The following ASIC2 variants were observed in gnomAD, a reference collection of about 807,000 sequenced individuals.
ASIC2 encodes the protein acid sensing ion channel subunit 2.
ASIC2 carries 25 observed loss-of-function variants against 57.3 expected under a neutral mutation model. The observed-to-expected ratio is 0.44, with a 90% CI of 0.32 to 0.61. ASIC2 has a LOEUF of 0.61. ASIC2 is among the 20% of genes least tolerant of loss of function. The pLI is 0.06. For missense variants in ASIC2, 641 were observed against 738.1 expected, an observed-to-expected ratio of 0.87 and a Z score of 1.52; for synonymous variants, 319 against 307.5, an observed-to-expected ratio of 1.04 and a Z score of -0.39.
chr17:33,823,413 G>A (rs897928667), intron 1 of ASIC2, among the ~76,000 whole-genome samples: 7 of 149,424 alleles, frequency 4.7e-5, no homozygotes, highest in Non-Finnish European at 1.0e-4. Context: ...TGTGTATCTC[G>A]AGTCGAGAGT....
chr17:33,919,347 C>A (rs999983100), intron 1 of ASIC2, among the ~76,000 whole-genome samples: 11 of 152,110 alleles, frequency 7.2e-5, no homozygotes, highest in Non-Finnish European at 1.5e-4. Context: ...GAAAAGGGAA[C>A]CCAGAAATAA....
intron 1 of ASIC2, among the ~76,000 whole-genome samples, chr17:33,811,351 G>A (rs571970829): frequency 6.6e-6 from 1 of 152,296 alleles, no homozygotes; most frequent in South Asian, 2.1e-4. Flanking sequence ...TTCCCTTCTT[G>A]CTCAGTGATC....
chr17:33,887,559 C>A (rs1290961823), intron 1 of ASIC2, among the ~76,000 whole-genome samples: 1 of 152,146 alleles, frequency 6.6e-6, no homozygotes, highest in Admixed American at 6.5e-5. Flanking sequence ...GGCAGAAAAG[C>A]AATACTGGGT....
At chr17:33,260,850 T>C (rs1909254022) in intron 1 of ASIC2, among the ~76,000 whole-genome samples, 1 of 152,138 alleles carries the variant, frequency 6.6e-6, no homozygotes, top group Non-Finnish European at 1.5e-5. Flanking sequence ...TGCATGTAAA[T>C]GAGCTTGGGC....
At chr17:33,276,220 A>T (rs1904696834) in intron 1 of ASIC2, among the ~76,000 whole-genome samples, 1 of 132,814 alleles carries the variant, frequency 7.5e-6, no homozygotes, top group African/African-American at 2.7e-5. Flanking sequence ...CAATCACTAA[A>T]TAATAATAAA....
In ASIC2 at chr17:33,042,035, T is replaced by C. The variant is rs180862707; in HGVS notation, c.988-13643A>G. Among the ~76,000 whole-genome samples, 738 of 152,344 alleles carry C rather than the reference T, an allele frequency of 4.8e-3. 5 individuals are homozygous for C. The highest frequency in any genetic ancestry group is 0.02 in the Middle Eastern group (6 of 294). On this transcript the variant is annotated intron_variant, in intron 3 of 9. Transcript: ENST00000225823. ...AGTTGGAGGGCAAATCAGAGCCTGCTTTTTGAGCCATAATGTTCAGTTTGA... is the reference window on the plus strand; with the variant it reads ...AGTTGGAGGGCAAATCAGAGCCTGCCTTTTGAGCCATAATGTTCAGTTTGA...
chr17:33,263,206 G>A (rs1909346099), intron 1 of ASIC2, among the ~76,000 whole-genome samples: 1 of 152,144 alleles, frequency 6.6e-6, no homozygotes, highest in South Asian at 2.1e-4. Flanking sequence ...GACCTCTACA[G>A]TGGCAGATGC....
chr17:33,227,713 A>G (rs1907941205), intron 1 of ASIC2, among the ~76,000 whole-genome samples: 1 of 152,188 alleles, frequency 6.6e-6, no homozygotes, highest in East Asian at 1.9e-4. Flanking sequence ...TAGAAGCCAC[A>G]TAAAAACCCA....
intron 1 of ASIC2, among the ~76,000 whole-genome samples, chr17:33,511,675 G>A (rs546789395): frequency 3.2e-4 from 49 of 152,244 alleles, no homozygotes; most frequent in African/African-American, 1.1e-3. Context: ...GAGAACTTGG[G>A]GTCCCCTTAT....
At chr17:33,414,357 C>A (rs779316787) in intron 1 of ASIC2, among the ~76,000 whole-genome samples, 1 of 151,916 alleles carries the variant, frequency 6.6e-6, no homozygotes, top group African/African-American at 2.4e-5. Context: ...TGTGGTGGAA[C>A]GAGGAAGGGG....
At chr17:33,336,133 G>C (rs972278258) in intron 1 of ASIC2, among the ~76,000 whole-genome samples, 1 of 151,780 alleles carries the variant, frequency 6.6e-6, no homozygotes, top group Admixed American at 6.6e-5. Flanking sequence ...GTTCTGCTTG[G>C]GACTTTGGAT....
At chr17:33,230,960 A>G (rs1418375877) in intron 1 of ASIC2, among the ~76,000 whole-genome samples, 1 of 152,246 alleles carries the variant, frequency 6.6e-6, no homozygotes, top group Non-Finnish European at 1.5e-5. Flanking sequence ...CTTTGCAGGA[A>G]TATATCTCTT....
At chr17:33,778,959 C>G (rs1911366332) in intron 1 of ASIC2, among the ~76,000 whole-genome samples, 1 of 152,180 alleles carries the variant, frequency 6.6e-6, no homozygotes, top group African/African-American at 2.4e-5. Context: ...TCATCCCCCT[C>G]CTGGCATCTT....
intron 1 of ASIC2, among the ~76,000 whole-genome samples, chr17:33,563,389 G>C (rs1157791719): frequency 6.6e-6 from 1 of 152,146 alleles, no homozygotes; most frequent in African/African-American, 2.4e-5. Flanking sequence ...GATAAACCGG[G>C]AATTAAATCC....
chr17:33,564,990 A>G (rs1916189767), intron 1 of ASIC2, among the ~76,000 whole-genome samples: 1 of 152,146 alleles, frequency 6.6e-6, no homozygotes, highest in Admixed American at 6.5e-5. Context: ...AACAATGCTA[A>G]TGACTGGTTT....
chr17:33,815,630 A>T (rs1441734073), intron 1 of ASIC2, among the ~76,000 whole-genome samples: 1 of 152,174 alleles, frequency 6.6e-6, no homozygotes, highest in Admixed American at 6.5e-5. Flanking sequence ...TCACCTGAGG[A>T]TATCAATGTC....
intron 1 of ASIC2, among the ~76,000 whole-genome samples, chr17:33,269,430 C>G (rs531048369): frequency 6.6e-6 from 1 of 152,292 alleles, no homozygotes; most frequent in East Asian, 1.9e-4. Context: ...CATCAATAGT[C>G]CTTTATGCAA....
intron 1 of ASIC2, among the ~76,000 whole-genome samples, chr17:33,510,273 A>T (rs1914391325): frequency 6.6e-6 from 1 of 152,178 alleles, no homozygotes; most frequent in South Asian, 2.1e-4. Flanking sequence ...CATCTTTCTA[A>T]TTATTACCCA....
intron 1 of ASIC2, among the ~76,000 whole-genome samples, chr17:33,158,674 A>G (rs1188375989): frequency 6.6e-6 from 1 of 152,226 alleles, no homozygotes; most frequent in Non-Finnish European, 1.5e-5. Flanking sequence ...TCAAAACCCG[A>G]TATTACTACT....
Sources: gnomAD v4.1 joint callset for allele counts (sites outside exome capture counted in the v4.1 genomes callset) on GRCh38, gnomAD v4.1.1 for gene constraint, MANE v1.5 for transcripts, NCBI Gene and HGNC (gene_info 2026-07-23, HGNC 2026-07-21) for gene names.